RGS3: variants seen among roughly 807,000 people sequenced by gnomAD.
The protein encoded by RGS3 is regulator of G-protein signalling 3.
RGS3 carries 80 observed loss-of-function variants against 132.6 expected under a neutral mutation model. That is an observed-to-expected ratio of 0.60 (90% CI 0.50 to 0.73). RGS3 has a LOEUF of 0.73. RGS3 is among the 30% of genes least tolerant of loss of function. The pLI is 0.00. For missense variants in RGS3, 1,382 were observed against 1,530.8 expected (o/e 0.90, Z 1.62); for synonymous variants, 598 against 620.6 (o/e 0.96, Z 0.54).
chr9:113,596,867 A>G, exon 25 of RGS3: 1 of 1,613,800 alleles, frequency 6.2e-7, no homozygotes. Context: ...CTTCGGGCTC[A>G]TGGAAAAGGA....
At chr9:113,584,019 A>T in exon 20 of RGS3, 1 of 1,614,114 alleles carries the variant, frequency 6.2e-7, no homozygotes, top group Non-Finnish European at 8.5e-7. Flanking sequence ...GCCAGAAGGC[A>T]GGGGCAGAGC....
chr9:113,596,631 T>C, intron 24 of RGS3, 137 bp from the exon 23 acceptor site: 2 of 673,578 alleles, frequency 3.0e-6, no homozygotes, highest in Non-Finnish European at 2.4e-6. Context: ...TCTGAGGGTC[T>C]CTACTTCAGA....
intron 3 of RGS3, among the ~76,000 whole-genome samples, chr9:113,475,546 C>T (rs570930166): frequency 2.8e-4 from 43 of 152,248 alleles, no homozygotes; most frequent in Non-Finnish European, 4.7e-4. Context: ...GCTGAGACTA[C>T]AGGCACGCAC....
At chr9:113,455,203 A>G (rs1829339838) in intron 1 of RGS3, among the ~76,000 whole-genome samples, 1 of 152,212 alleles carries the variant, frequency 6.6e-6, no homozygotes, top group East Asian at 1.9e-4. Flanking sequence ...CTGATGTACA[A>G]TATCTTAAAA....
At chr9:113,584,489 G>A in intron 20 of RGS3, 62 bp downstream of exon 18, 2 of 1,459,644 alleles carry the variant, frequency 1.4e-6, no homozygotes, top group Non-Finnish European at 1.8e-6. Context: ...TGGCCCAGGG[G>A]CTGCAGGGAA....
At chr9:113,544,929 G>A (rs1044706949) in intron 19 of RGS3, among the ~76,000 whole-genome samples, 1 of 152,192 alleles carries the variant, frequency 6.6e-6, no homozygotes, top group African/African-American at 2.4e-5. Flanking sequence ...AAGCTGTAGA[G>A]GGAATGCTTT....
intron 18 of RGS3, among the ~76,000 whole-genome samples, chr9:113,534,004 C>T (rs919185289): frequency 1.3e-5 from 2 of 152,226 alleles, no homozygotes; most frequent in Admixed American, 6.5e-5. Flanking sequence ...TCCTCTTTCC[C>T]CAGATGCTCT....
At chr9:113,517,997 G>A (rs1017301272) in intron 16 of RGS3, among the ~76,000 whole-genome samples, 1 of 152,160 alleles carries the variant, frequency 6.6e-6, no homozygotes, top group African/African-American at 2.4e-5. Context: ...ACCAGCATCA[G>A]TTTACCTGAG....
chr9:113,492,264 T>G (rs1830543117), intron 7 of RGS3, among the ~76,000 whole-genome samples: 1 of 152,186 alleles, frequency 6.6e-6, no homozygotes. Flanking sequence ...TGAAGTTACT[T>G]CAAAGCCTTT....
chr9:113,485,249 G>T (rs962100440), intron 6 of RGS3, among the ~76,000 whole-genome samples: 4 of 152,032 alleles, frequency 2.6e-5, no homozygotes, highest in Non-Finnish European at 5.9e-5. Context: ...CGCCATGCCT[G>T]GCTAATTTTT....
intron 10 of RGS3, among the ~76,000 whole-genome samples, chr9:113,499,239 A>AT (rs1830788755): frequency 6.6e-6 from 1 of 151,914 alleles, no homozygotes; most frequent in East Asian, 1.9e-4. Context: ...AAAAAAAAAA[A>AT]AAAAAAAAGG....
chr9:113,557,002 G>A (rs1033299863), intron 19 of RGS3, among the ~76,000 whole-genome samples: 4 of 152,188 alleles, frequency 2.6e-5, no homozygotes, highest in African/African-American at 7.2e-5. Context: ...TAGAACACAC[G>A]CAGTCACCTT....
At chr9:113,569,299 G>A (rs1834155808) in intron 19 of RGS3, among the ~76,000 whole-genome samples, 1 of 152,180 alleles carries the variant, frequency 6.6e-6, no homozygotes, top group Non-Finnish European at 1.5e-5. Context: ...AGAGGGTAAG[G>A]GAACAAGGAG....
chr9:113,526,731 G>A (rs980052370), intron 17 of RGS3, among the ~76,000 whole-genome samples: 9 of 152,210 alleles, frequency 5.9e-5, no homozygotes, highest in African/African-American at 2.2e-4. Context: ...CCCAGCCCGT[G>A]ATTGGGGATC....
intron 1 of RGS3, among the ~76,000 whole-genome samples, chr9:113,446,120 G>A (rs1199258019): frequency 6.6e-6 from 1 of 152,152 alleles, no homozygotes; most frequent in Admixed American, 6.5e-5. Flanking sequence ...AATACCTCTG[G>A]CCTTAGATAG....
Position 113,583,435 on chromosome 9 carries a change from CT to C in RGS3, c.2038-10del, listed in dbSNP as rs758242453. 3 of 1,613,618 alleles carry C rather than the reference CT, an allele frequency of 1.9e-6. No individual in the cohort carries two copies. The highest frequency in any genetic ancestry group is 2.5e-6 in the Non-Finnish European group (3 of 1,179,860). ...TCCTCTTCTGAACTGTTCTTGTTTT[CT>C]TTTTGTTTCCCAGATGTTTGAGACG... On this transcript the variant is annotated splice_polypyrimidine_tract_variant and intron_variant, in intron 19 of 24. Transcript: ENST00000350696.
At chr9:113,501,264 C>A in intron 10 of RGS3, 1 of 461,492 alleles carries the variant, frequency 2.2e-6, no homozygotes, top group Non-Finnish European at 3.7e-6. Context: ...TGGCCCATGG[C>A]GGAGAATGCA....
intron 16 of RGS3, among the ~76,000 whole-genome samples, chr9:113,519,931 C>T (rs763240668): frequency 1.3e-5 from 2 of 152,136 alleles, no homozygotes; most frequent in African/African-American, 2.4e-5. Flanking sequence ...CTGGGAATAC[C>T]ATGAAGCACA....
At chr9:113,543,099 A>C (rs556571617) in intron 19 of RGS3, among the ~76,000 whole-genome samples, 1 of 152,354 alleles carries the variant, frequency 6.6e-6, no homozygotes, top group African/African-American at 2.4e-5. Context: ...TGCAGGTCTG[A>C]GGGACACGGC....
Sources: gnomAD v4.1 joint callset for allele counts (sites outside exome capture counted in the v4.1 genomes callset) on GRCh38, gnomAD v4.1.1 for gene constraint, MANE v1.5 for transcripts, NCBI Gene and HGNC (gene_info 2026-07-23, HGNC 2026-07-21) for gene names.